The following RIMS1 variants were observed in gnomAD, a reference collection of about 807,000 sequenced individuals.
RIMS1 encodes regulating synaptic membrane exocytosis 1.
In RIMS1, 83 loss-of-function variants were observed where a neutral mutation model predicts 214.1. The ratio of observed to expected loss-of-function variants is 0.39; its 90% CI spans 0.32 to 0.47. The LOEUF (loss-of-function observed/expected upper bound fraction) is 0.47, where lower values mean the gene tolerates loss of function less well. Among genes scored for constraint, RIMS1 ranks in the 20% least tolerant of loss-of-function variants. The pLI is 0.99. For synonymous variants in RIMS1, 793 were observed against 786.8 expected (o/e 1.01, Z -0.13); for missense variants, 2,050 against 2,161.8 (o/e 0.95, Z 1.03).
chr6:72,205,375 G>T (rs1230448869), intron 6 of RIMS1, among the ~76,000 whole-genome samples: 2 of 152,118 alleles, frequency 1.3e-5, no homozygotes. Context: ...ATTTTAATTG[G>T]CATAATCCCC....
chr6:72,165,597 A>G (rs2046143386), intron 4 of RIMS1, among the ~76,000 whole-genome samples: 1 of 152,140 alleles, frequency 6.6e-6, no homozygotes, highest in South Asian at 2.1e-4. Flanking sequence ...AATTATAGAT[A>G]TAATTTGAGG....
chr6:72,114,716 A>G (rs1237762680), intron 4 of RIMS1, among the ~76,000 whole-genome samples: 1 of 151,708 alleles, frequency 6.6e-6, no homozygotes, highest in South Asian at 2.1e-4. Context: ...TTTTTCCTTA[A>G]TTATGTTGTT....
intron 2 of RIMS1, among the ~76,000 whole-genome samples, chr6:72,070,239 C>T (rs867562791): frequency 6.6e-6 from 1 of 151,852 alleles, no homozygotes; most frequent in East Asian, 1.9e-4. Context: ...TGAAATGTGT[C>T]GTTTAAAAAT....
intron 2 of RIMS1, among the ~76,000 whole-genome samples, chr6:72,032,601 G>T (rs1406589104): frequency 1.3e-5 from 2 of 152,050 alleles, no homozygotes; most frequent in South Asian, 2.1e-4. Context: ...ATTTCAATCA[G>T]ATTTCACCCC....
intron 2 of RIMS1, among the ~76,000 whole-genome samples, chr6:72,014,278 A>AC (rs1285039951): frequency 6.6e-6 from 1 of 151,976 alleles, no homozygotes; most frequent in Non-Finnish European, 1.5e-5. Context: ...GGCAGAAACC[A>AC]CCCCCATGAT....
intron 29 of RIMS1, among the ~76,000 whole-genome samples, chr6:72,341,992 G>T (rs971459907): frequency 2.0e-5 from 3 of 151,780 alleles, no homozygotes; most frequent in Non-Finnish European, 4.4e-5. Flanking sequence ...GATGTGCTAT[G>T]AATGTGTTAA....
chr6:72,188,351 A>T (rs1392750337), intron 6 of RIMS1, among the ~76,000 whole-genome samples: 1 of 152,250 alleles, frequency 6.6e-6, no homozygotes, highest in African/African-American at 2.4e-5. Flanking sequence ...TATGCCGAAC[A>T]TAATACAACT....
At chr6:72,204,319 C>T (rs72937859) in intron 6 of RIMS1, among the ~76,000 whole-genome samples, 27,769 of 152,080 alleles carry the variant, frequency 0.18, 3,080 homozygotes, top group Non-Finnish European at 0.25. Context: ...CCAGTCGGTG[C>T]GGTGGTGAAA....
intron 28 of RIMS1, among the ~76,000 whole-genome samples, chr6:72,317,847 C>T (rs1427101998): frequency 6.6e-6 from 1 of 152,134 alleles, no homozygotes; most frequent in African/African-American, 2.4e-5. Context: ...CAGTTAAGAT[C>T]TATGAAGAGG....
chr6:72,273,620 T>C lies in RIMS1; in HGVS notation c.3399-729T>C, dbSNP rs1274163025. The stretch of plus-strand genomic sequence containing the variant: ...CTGAGCTAAAAAGCATCCATTTAAT[T>C]GACATACTTTTGCAAATAAAAACCA... On this transcript the variant is annotated intron_variant, in intron 22 of 33. Transcript: ENST00000521978. 2.6e-5 allele frequency among the ~76,000 whole-genome samples: 4 copies of C among 152,170 alleles called. No homozygotes were observed. In the East Asian group the frequency reaches 7.7e-4, roughly 29 times the overall value.
intron 29 of RIMS1, among the ~76,000 whole-genome samples, chr6:72,376,463 A>G (rs1352968720): frequency 6.6e-6 from 1 of 152,086 alleles, no homozygotes; most frequent in African/African-American, 2.4e-5. Flanking sequence ...CTCTATAAAA[A>G]AGAAGAAGGG....
intron 4 of RIMS1, among the ~76,000 whole-genome samples, chr6:72,174,666 C>T (rs906458662): frequency 7.2e-5 from 11 of 151,982 alleles, no homozygotes; most frequent in Non-Finnish European, 1.5e-4. Context: ...TATTAAAATG[C>T]TTTAGAAACG....
chr6:71,999,070 C>G (rs1170258148), intron 2 of RIMS1, among the ~76,000 whole-genome samples: 1 of 151,864 alleles, frequency 6.6e-6, no homozygotes, highest in African/African-American at 2.4e-5. Context: ...TTAATATGAT[C>G]CCTTTTACAA....
intron 29 of RIMS1, among the ~76,000 whole-genome samples, chr6:72,337,148 A>G (rs1410229631): frequency 6.6e-6 from 1 of 151,826 alleles, no homozygotes; most frequent in Non-Finnish European, 1.5e-5. Flanking sequence ...CAAGCCAGAA[A>G]TATTTTGGAA....
chr6:71,945,919 T>A (rs1787671721), intron 1 of RIMS1, among the ~76,000 whole-genome samples: 1 of 152,070 alleles, frequency 6.6e-6, no homozygotes, highest in Admixed American at 6.6e-5. Context: ...TCAGCTAATT[T>A]TTGTATTTTT....
Position 72,265,506 on chromosome 6 carries a change from A to G in RIMS1, c.3308+3A>G. 1 of 1,504,128 alleles carries G rather than the reference A, an allele frequency of 6.6e-7. No individual in the cohort carries two copies. Among genetic ancestry groups the G allele is most frequent in the Non-Finnish European group, 9.2e-7 (1 of 1,084,302 alleles). 93.2% of individuals were successfully genotyped at this position (1,504,128 alleles called of 1,614,324 possible). A position where few individuals can be genotyped will look rare whatever the true frequency, so the allele number is the denominator to read the frequency against. On this transcript the variant is annotated splice_donor_region_variant and intron_variant, in intron 21 of 33. Transcript: ENST00000521978. ...TTTACTGATGAAATACTGGTTAGGT[A>G]AGAACATTTGGAAGTGATATCTTCC...
chr6:72,066,170 C>T (rs2152276810), intron 2 of RIMS1, among the ~76,000 whole-genome samples: 1 of 152,266 alleles, frequency 6.6e-6, no homozygotes, highest in South Asian at 2.1e-4. Flanking sequence ...CTAAATGATT[C>T]ATTATCTTCT....
intron 26 of RIMS1, among the ~76,000 whole-genome samples, chr6:72,301,912 G>A (rs1001737385): frequency 2.0e-5 from 3 of 151,418 alleles, no homozygotes; most frequent in Non-Finnish European, 3.0e-5. Context: ...TTTTTTCCTC[G>A]TGATACCTAT....
At chr6:72,001,358 C>T (rs1805170672) in intron 2 of RIMS1, among the ~76,000 whole-genome samples, 1 of 152,170 alleles carries the variant, frequency 6.6e-6, no homozygotes, top group Non-Finnish European at 1.5e-5. Context: ...GTTACTCAGA[C>T]ATTAGATTGC....
Sources: gnomAD v4.1 joint callset for allele counts (sites outside exome capture counted in the v4.1 genomes callset) on GRCh38, gnomAD v4.1.1 for gene constraint, MANE v1.5 for transcripts, NCBI Gene and HGNC (gene_info 2026-07-23, HGNC 2026-07-21) for gene names.